Variants in C9orf85 observed in about 807,000 individuals in gnomAD.
The protein encoded by C9orf85 is chromosome 9 open reading frame 85, also known as uncharacterized protein C9orf85.
In C9orf85, 16 loss-of-function variants were observed where a neutral mutation model predicts 14.9. The ratio of observed to expected loss-of-function variants is 1.08; its 90% CI spans 0.73 to 1.63. C9orf85 has a LOEUF of 1.63. C9orf85 is among the 40% of genes most tolerant of loss of function. The pLI is 0.00. For missense variants in C9orf85, 172 were observed against 186.1 expected (o/e 0.92, Z 0.44); for synonymous variants, 45 against 56.8 (o/e 0.79, Z 0.93).
At chr9:71,975,404 G>GCACT (rs1472756586), downstream of C9orf85, among the ~76,000 whole-genome samples, 12 of 146,786 alleles carry the variant, frequency 8.2e-5, no homozygotes, top group African/African-American at 3.0e-4. Context: ...TCGCGCCATT[G>GCACT]CACTACAGCC....
intron 1 of C9orf85, among the ~76,000 whole-genome samples, chr9:71,930,870 A>G (rs912389217): frequency 6.6e-6 from 1 of 151,314 alleles, no homozygotes; most frequent in Admixed American, 6.6e-5. Flanking sequence ...GAAATTACCC[A>G]CATTTCTTAG....
intron 1 of C9orf85, among the ~76,000 whole-genome samples, chr9:71,942,108 C>T (rs1001808483): frequency 6.6e-6 from 1 of 152,136 alleles, no homozygotes; most frequent in South Asian, 2.1e-4. Flanking sequence ...TAGTGCATTC[C>T]TGCAGATCCT....
At chr9:71,968,158 C>T (rs937566866) in intron 2 of C9orf85, among the ~76,000 whole-genome samples, 3 of 151,030 alleles carry the variant, frequency 2.0e-5, no homozygotes, top group African/African-American at 4.9e-5. Context: ...AGTGAGCAAG[C>T]GTGTGTGCAA....
chr9:71,921,929 TTA>T (rs1178199458), intron 1 of C9orf85, among the ~76,000 whole-genome samples: 54 of 141,156 alleles, frequency 3.8e-4, no homozygotes, highest in African/African-American at 1.5e-3. Context: ...TATTTTTTTT[TTA>T]TTATTATTAT....
chr9:71,978,119 T>C (rs1176258637), downstream of C9orf85, among the ~76,000 whole-genome samples: 1 of 152,212 alleles, frequency 6.6e-6, no homozygotes, highest in African/African-American at 2.4e-5. Flanking sequence ...ATGAACTTTT[T>C]AATTTTTTGA....
In C9orf85 at chr9:71,921,928, T is replaced by TTATTATTATTATTATTATTA. The variant is rs1554705990; in HGVS notation, c.102+10093_102+10094insATTATTATTATTATTATTAT. On this transcript the variant is annotated intron_variant, in intron 1 of 3. Transcript: ENST00000334731. The stretch of plus-strand genomic sequence containing the variant: ...GTTTTGGTTGGCTTTTTATTTTTTT[T>TTATTATTATTATTATTATTA]TTATTATTATTATTATTATTATTAT... Among the ~76,000 whole-genome samples, 107 of 113,858 alleles carry TTATTATTATTATTATTATTA rather than the reference T, an allele frequency of 9.4e-4. 1 individual carries two copies. Among genetic ancestry groups the TTATTATTATTATTATTATTA allele is most frequent in the African/African-American group, 3.1e-3 (103 of 33,564 alleles). 74.7% of individuals were successfully genotyped at this position (113,858 alleles called of 152,430 possible).
chr9:71,979,172 T>TA (rs1722801624), intron 3 of C9orf85, among the ~76,000 whole-genome samples: 6 of 152,254 alleles, frequency 3.9e-5, no homozygotes, highest in Admixed American at 3.9e-4. Flanking sequence ...AACATAAATC[T>TA]TGACTTAAAC....
intron 1 of C9orf85, among the ~76,000 whole-genome samples, chr9:71,944,874 A>T (rs561710001): frequency 6.6e-6 from 1 of 152,190 alleles, no homozygotes; most frequent in Non-Finnish European, 1.5e-5. Flanking sequence ...CCTGTACAAC[A>T]TATCTATTTA....
intron 2 of C9orf85, among the ~76,000 whole-genome samples, chr9:71,967,539 A>G (rs1822726004): frequency 6.6e-6 from 1 of 152,168 alleles, no homozygotes; most frequent in Non-Finnish European, 1.5e-5. Context: ...TGCTAGAAAC[A>G]TAAAAATACA....
intron 1 of C9orf85, among the ~76,000 whole-genome samples, chr9:71,936,603 A>G (rs1274362228): frequency 6.6e-6 from 1 of 152,138 alleles, no homozygotes; most frequent in Non-Finnish European, 1.5e-5. Context: ...TTGAGTTATT[A>G]TTTACTACGA....
chr9:71,945,582 A>G (rs1038732445), intron 1 of C9orf85, among the ~76,000 whole-genome samples: 11 of 152,258 alleles, frequency 7.2e-5, no homozygotes, highest in Non-Finnish European at 1.2e-4. Context: ...AGCTTAATTT[A>G]TGGTTTTTCA....
intron 2 of C9orf85, among the ~76,000 whole-genome samples, chr9:71,969,857 T>C (rs1470295561): frequency 6.6e-6 from 1 of 152,184 alleles, no homozygotes; most frequent in Non-Finnish European, 1.5e-5. Flanking sequence ...TTTCTAAATA[T>C]TTGAGCATTT....
At chr9:71,969,379 T>A (rs556232460) in intron 2 of C9orf85, among the ~76,000 whole-genome samples, 66 of 152,254 alleles carry the variant, frequency 4.3e-4, no homozygotes, top group African/African-American at 1.6e-3. Flanking sequence ...TGGCCTCAAG[T>A]GATCCACCTG....
At chr9:71,916,807 T>C (rs1177281773) in intron 1 of C9orf85, among the ~76,000 whole-genome samples, 1 of 152,198 alleles carries the variant, frequency 6.6e-6, no homozygotes, top group Non-Finnish European at 1.5e-5. Context: ...GAACATGATA[T>C]AGGTGCTCAA....
chr9:71,965,831 G>A (rs578024750), intron 2 of C9orf85, among the ~76,000 whole-genome samples: 45 of 152,306 alleles, frequency 3.0e-4, no homozygotes, highest in Admixed American at 7.2e-4. Context: ...CCACTAAAAT[G>A]ATTAGTTGTG....
intron 2 of C9orf85, among the ~76,000 whole-genome samples, chr9:71,966,648 G>GTTA (rs1822700331): frequency 6.6e-6 from 1 of 152,134 alleles, no homozygotes. Flanking sequence ...AGGCAAGATG[G>GTTA]TTAACGCTTT....
intron 1 of C9orf85, among the ~76,000 whole-genome samples, chr9:71,942,780 G>A (rs1177924997): frequency 1.3e-5 from 2 of 151,912 alleles, no homozygotes; most frequent in African/African-American, 4.8e-5. Context: ...GCGTGTGCCT[G>A]TAATCCTAGC....
chr9:71,972,114 A>G (rs1822890164), intron 3 of C9orf85, among the ~76,000 whole-genome samples: 1 of 152,192 alleles, frequency 6.6e-6, no homozygotes, highest in Non-Finnish European at 1.5e-5. Flanking sequence ...AGAAAATAAA[A>G]TATTTATGTG....
At chr9:71,927,673 T>C (rs778248796) in intron 1 of C9orf85, among the ~76,000 whole-genome samples, 1 of 152,152 alleles carries the variant, frequency 6.6e-6, no homozygotes, top group Non-Finnish European at 1.5e-5. Flanking sequence ...CAAGAAGCAA[T>C]AGTAAGCAAT....
Sources: gnomAD v4.1 joint callset for allele counts (sites outside exome capture counted in the v4.1 genomes callset) on GRCh38, gnomAD v4.1.1 for gene constraint, MANE v1.5 for transcripts, NCBI Gene and HGNC (gene_info 2026-07-23, HGNC 2026-07-21) for gene names.